ZNF92: variants seen among roughly 807,000 people sequenced by gnomAD.
ZNF92 encodes the protein zinc finger protein 92, also known as epididymis luminal protein 203.
ZNF92 carries 11 observed loss-of-function variants against 12.4 expected under a neutral mutation model. The observed-to-expected ratio is 0.89, with a 90% confidence interval of 0.56 to 1.47. The LOEUF (loss-of-function observed/expected upper bound fraction) is 1.47, where lower values mean the gene tolerates loss of function less well. Among genes scored for constraint, ZNF92 ranks in the 40% most tolerant of loss-of-function variants. The pLI, the probability that ZNF92 is intolerant of heterozygous loss-of-function variation, is 0.00. For missense variants in ZNF92, 622 were observed against 681.0 expected, an observed-to-expected ratio of 0.91 and a Z score of 0.96; for synonymous variants, 206 against 228.6, an observed-to-expected ratio of 0.90 and a Z score of 0.89.
intron 3 of ZNF92, among the ~76,000 whole-genome samples, chr7:65,392,227 G>T (rs1464209529): frequency 6.6e-6 from 1 of 151,948 alleles, no homozygotes; most frequent in Non-Finnish European, 1.5e-5. Flanking sequence ...ATTTTCAATG[G>T]TTGTTTTGTC....
At chr7:65,393,941 ATT>A (rs1405841425) in intron 3 of ZNF92, among the ~76,000 whole-genome samples, 1 of 152,044 alleles carries the variant, frequency 6.6e-6, no homozygotes, top group Non-Finnish European at 1.5e-5. Flanking sequence ...ATTCAACTTT[ATT>A]GTTCAGTTTG....
intron 1 of ZNF92, among the ~76,000 whole-genome samples, chr7:65,383,479 A>G (rs149976939): frequency 1.3e-5 from 2 of 152,282 alleles, no homozygotes; most frequent in East Asian, 3.9e-4. Flanking sequence ...AGATGTCAAC[A>G]TAGACATCTT....
In ZNF92 at chr7:65,398,577, C is replaced by A. The variant is rs377733062; in HGVS notation, c.463C>A (p.His155Asn). ...GTGTGATAAATATGTGAAAGTCTTT[C>A]ATAAATTTCCAAATGTAAATAGAAA... ...FQCDKYVKVFHKFPNVNRNKI... is the reference protein window; with the variant it reads ...FQCDKYVKVFNKFPNVNRNKI... The change falls in exon 4 of 4, where the codon CAT becomes AAT. Residue 155 changes from histidine to asparagine, a missense_variant. His to Asn is a moderately conservative substitution (Grantham distance 68). Coordinates refer to ENST00000328747, the MANE Select transcript of ZNF92 (RefSeq NM_152626.4). 5.6e-6 allele frequency: 9 copies of A among 1,607,830 alleles called. No individual in the cohort carries two copies. In the African/African-American group the frequency reaches 9.4e-5, roughly 17 times the overall value.
At chr7:65,396,348 TTTA>T (rs1194246667) in intron 3 of ZNF92, among the ~76,000 whole-genome samples, 1 of 152,124 alleles carries the variant, frequency 6.6e-6, no homozygotes, top group Admixed American at 6.5e-5. Context: ...AGTGACCTGC[TTTA>T]TTTTTTGTTT....
At chr7:65,382,045 G>A (rs928862430) in intron 1 of ZNF92, among the ~76,000 whole-genome samples, 2 of 152,028 alleles carry the variant, frequency 1.3e-5, no homozygotes, top group African/African-American at 4.8e-5. Flanking sequence ...GCTTCAAATT[G>A]CAAAACTACC....
At chr7:65,387,428 TA>T (rs1793599439) in intron 1 of ZNF92, among the ~76,000 whole-genome samples, 1 of 152,074 alleles carries the variant, frequency 6.6e-6, no homozygotes, top group African/African-American at 2.4e-5. Context: ...CTTGACAAAA[TA>T]ATCTTCTTGG....
Position 65,399,794 on chromosome 7 carries a change from T to C in ZNF92, c.1680T>C (p.Thr560=). The change falls in exon 4 of 4, where the codon ACT becomes ACC. Residue 560 remains threonine, a synonymous_variant. Transcript: ENST00000328747. Reference sequence around the variant, plus strand: ...TTATTACACATCAGATAATTTATACTGGAGAGAAACCCTGCAAACATGAAT... The same window carrying C: ...TTATTACACATCAGATAATTTATACCGGAGAGAAACCCTGCAAACATGAAT... ...STLITHQIIY[T]GEKPCKHECG... 1 of 1,613,176 alleles carries C rather than the reference T, an allele frequency of 6.2e-7. No homozygotes were observed. Among genetic ancestry groups the C allele is most frequent in the Non-Finnish European group, 8.5e-7 (1 of 1,179,542 alleles).
In ZNF92 at chr7:65,387,988, A is replaced by G. The variant is rs748881302; in HGVS notation, c.90A>G (p.Arg30=). Residue 30 remains arginine, a synonymous_variant, in exon 2 of 4, where the codon AGA becomes AGG. Transcript: ENST00000328747. Reference sequence around the variant, plus strand: ...ACACTGCGCAGCGGAATTTATATAGAGATGTGATGTTAGAGAACTACAGAA... The same window carrying G: ...ACACTGCGCAGCGGAATTTATATAGGGATGTGATGTTAGAGAACTACAGAA... The part of the protein sequence containing the change: ...CLDTAQRNLY[R]DVMLENYRNL... The G allele has an allele frequency of 1.9e-6, 3 of 1,609,164 alleles. No individual in the cohort carries two copies. In the African/African-American group the frequency reaches 4.0e-5, roughly 22 times the overall value.
At position 65,400,251 on chromosome 7, in the gene ZNF92, TAGAA is replaced by T. The variant is rs987800247; in HGVS notation, c.*380_*383del. The T allele has an allele frequency of 1.2e-4, 20 of 162,846 alleles. No individual in the cohort carries two copies. The highest frequency in any genetic ancestry group is 3.4e-4 in the African/African-American group (14 of 41,496). The allele number at this position is 162,846 out of a possible 1,614,324, so 10.1% of individuals were successfully genotyped here. A position where few individuals can be genotyped will look rare whatever the true frequency, so the allele number is the denominator to read the frequency against. ...GTATTCTTAAGATGAACATTACAAA[TAGAA>T]AGAGGGTTGTAGTACCTTTAGTTTT... On this transcript the variant is annotated 3_prime_UTR_variant, in exon 4 of 4. Transcript: ENST00000328747.
chr7:65,380,416 C>T (rs1413740913), intron 1 of ZNF92, among the ~76,000 whole-genome samples: 1 of 152,024 alleles, frequency 6.6e-6, no homozygotes, highest in Non-Finnish European at 1.5e-5. Context: ...ACAGCGTGCA[C>T]GACCACGCCT....
At chr7:65,388,741 A>G in intron 2 of ZNF92, 65 bp from the exon 3 acceptor site, 9 of 1,333,042 alleles carry the variant, frequency 6.8e-6, no homozygotes, top group South Asian at 5.9e-5. Flanking sequence ...TTTACTGAGC[A>G]TATTACTATG....
chr7:65,399,758 G>A lies in ZNF92; in HGVS notation c.1644G>A (p.Lys548=). Residue 548 remains lysine (K), a synonymous_variant, in exon 4 of 4, where the codon AAG becomes AAA. Coordinates refer to ENST00000328747, the MANE Select transcript of ZNF92 (RefSeq NM_152626.4). ...KYEECDKAFN[K]FSTLITHQII... is the part of the protein sequence containing the mutation. ...AAGAATGTGACAAAGCCTTTAACAAGTTCTCAACCCTTATTACACATCAGA... is the reference window on the plus strand; with the variant it reads ...AAGAATGTGACAAAGCCTTTAACAAATTCTCAACCCTTATTACACATCAGA... The A allele has an allele frequency of 6.2e-7, 1 of 1,613,532 alleles. No individual in the cohort carries two copies. The highest frequency in any genetic ancestry group is 8.5e-7 in the Non-Finnish European group (1 of 1,179,686).
chr7:65,393,602 C>T (rs567266972), intron 3 of ZNF92, among the ~76,000 whole-genome samples: 1 of 152,040 alleles, frequency 6.6e-6, no homozygotes, highest in East Asian at 1.9e-4. Context: ...ATGGCTACAT[C>T]CTTGTTTTTC....
chr7:65,380,299 C>T (rs965346547), intron 1 of ZNF92, among the ~76,000 whole-genome samples: 1 of 152,022 alleles, frequency 6.6e-6, no homozygotes, highest in Non-Finnish European at 1.5e-5. Flanking sequence ...CTCACTCTGT[C>T]GCCCAGGCTG....
chr7:65,373,920 C>A lies in ZNF92; in HGVS notation c.-78C>A, dbSNP rs891868201. ...GCTCTGCGTCCTGTGCTGATAAAGG[C>A]TCGCCGCTGTGACCCTGTTACCTGC... On this transcript the variant is annotated 5_prime_UTR_variant, in exon 1 of 4. Coordinates refer to ENST00000328747, the MANE Select transcript of ZNF92 (RefSeq NM_152626.4). 6.9e-6 allele frequency: 11 copies of A among 1,599,490 alleles called. No individual in the cohort carries two copies. In the East Asian group the frequency reaches 8.9e-5, roughly 13 times the overall value.
Position 65,388,904 on chromosome 7 carries a change from AG to A in ZNF92, c.226+5del, listed in dbSNP as rs1793639807. On this transcript the variant is annotated splice_donor_region_variant and intron_variant, in intron 3 of 3. Transcript: ENST00000328747. ...TGAGATGGTAGACAAAACCCCAGGT[AG>A]GTGACAGTTAATACAACAGACAACA... 6.4e-7 allele frequency: 1 copy of A among 1,572,098 alleles called. No individual in the cohort carries two copies. The highest frequency in any genetic ancestry group is 2.4e-5 in the East Asian group (1 of 42,376).
chr7:65,387,848 C>T (rs932218985), intron 1 of ZNF92, 54 bp from the exon 2 acceptor site: 3 of 1,501,082 alleles, frequency 2.0e-6, no homozygotes, highest in African/African-American at 2.9e-5. Context: ...AAAATTCTGC[C>T]CATGGCCACT....
At chr7:65,376,214 C>T (rs1230584011) in intron 1 of ZNF92, among the ~76,000 whole-genome samples, 1 of 151,840 alleles carries the variant, frequency 6.6e-6, no homozygotes, top group East Asian at 2.0e-4. Context: ...CGCCTGCTGA[C>T]AAATCTGTTT....
At position 65,398,932 on chromosome 7, in the gene ZNF92, C is replaced by A. The variant is rs373064091; in HGVS notation, c.818C>A (p.Thr273Asn). The change falls in exon 4 of 4, where the codon ACT becomes AAT. Residue 273 changes from threonine to asparagine, a missense_variant. Thr to Asn is a moderately conservative substitution (Grantham distance 65, BLOSUM62 0). Coordinates refer to ENST00000328747, the MANE Select transcript of ZNF92 (RefSeq NM_152626.4). ...GCTTTTAACCGGTCCTCAACCCTTACTAAACATAAAAGAATTCATACAGAA... is the reference window on the plus strand; with the variant it reads ...GCTTTTAACCGGTCCTCAACCCTTAATAAACATAAAAGAATTCATACAGAA... ...GKAFNRSSTL[T>N]KHKRIHTEEK... The A allele has an allele frequency of 1.9e-6, 3 of 1,612,314 alleles. No homozygotes were observed. Among genetic ancestry groups the A allele is most frequent in the Non-Finnish European group, 2.5e-6 (3 of 1,179,516 alleles).
Sources: allele counts gnomAD v4.1 joint callset (sites outside exome capture counted in the v4.1 genomes callset), GRCh38; gene constraint gnomAD v4.1.1; transcripts MANE v1.5; gene names NCBI Gene and HGNC (gene_info 2026-07-23, HGNC 2026-07-21).